Variants in KDM6B observed in about 807,000 individuals in gnomAD.
KDM6B encodes the protein lysine demethylase 6B.
A neutral mutation model predicts 150.4 loss-of-function variants in KDM6B; 22 were observed. The ratio of observed to expected loss-of-function variants is 0.15; its 90% CI spans 0.10 to 0.21. The LOEUF is 0.21. KDM6B is among the 10% of genes least tolerant of loss of function. The pLI is 1.00. For missense variants in KDM6B, 1,984 were observed against 2,234.3 expected, an observed-to-expected ratio of 0.89 and a Z score of 2.26; for synonymous variants, 1,148 against 921.1, an observed-to-expected ratio of 1.25 and a Z score of -4.46.
rs1370112999 is a variant in KDM6B, at chr17:7,847,100, T to C, written c.910-5T>C. 4 of 1,612,480 alleles carry C rather than the reference T, an allele frequency of 2.5e-6. No homozygotes were observed. In the East Asian group the frequency reaches 8.9e-5, roughly 36 times the overall value. On this transcript the variant is annotated splice_polypyrimidine_tract_variant and splice_region_variant and intron_variant, in intron 10 of 23. Transcript: ENST00000448097. ...TCATCCTGCATCCCTGTTTATCTCC[T>C]ATAGGAGCAGCGGCACTCGCTGCCT...
In KDM6B at chr17:7,845,565, C is replaced by T; in HGVS notation, c.11C>T (p.Ala4Val). Reference sequence around the variant, plus strand: ...CCCAACTCAGGCTGGATGCATCGGGCAGTGGACCCTCCAGGGGCCCGCGCT... The same window carrying T: ...CCCAACTCAGGCTGGATGCATCGGGTAGTGGACCCTCCAGGGGCCCGCGCT... MHR[A>V]VDPPGARAAR... The change falls in exon 5 of 24, where the codon GCA (alanine) becomes GTA (valine). Residue 4 changes from alanine to valine, a missense_variant. Around this residue, in one of 13 missense-constraint regions of KDM6B, gnomAD observed 337 missense variants for 323.9 expected, o/e 1.04. Coordinates refer to ENST00000448097, the MANE Select transcript of KDM6B (RefSeq NM_001348716.2). 6.2e-7 allele frequency: 1 copy of T among 1,614,162 alleles called. No homozygotes were observed. The highest frequency in any genetic ancestry group is 8.5e-7 in the Non-Finnish European group (1 of 1,180,024).
Position 7,849,927 on chromosome 17 carries a change from C to T in KDM6B, c.3547C>T (p.Pro1183Ser). The part of the protein sequence containing the change: ...EEKLPREKLN[P>S]PTPSIYLESK... Reference sequence around the variant, plus strand: ...GAAGCTGCCCCGGGAAAAACTCAACCCCCCTACACCCAGCATCTATGTATG... The same window carrying T: ...GAAGCTGCCCCGGGAAAAACTCAACTCCCCTACACCCAGCATCTATGTATG... The change falls in exon 13 of 24, where the codon CCC (proline) becomes TCC (serine). Residue 1183 changes from proline (P) to serine (S), a missense_variant. By Grantham distance (74) the Pro-to-Ser change is moderately conservative. Around this residue, in one of 13 missense-constraint regions of KDM6B, gnomAD observed 1,379 missense variants for 1,275.6 expected, o/e 1.08. Coordinates refer to ENST00000448097, the MANE Select transcript of KDM6B (RefSeq NM_001348716.2). 6.2e-7 allele frequency: 1 copy of T among 1,613,566 alleles called. No individual in the cohort carries two copies. Among genetic ancestry groups the T allele is most frequent in the Non-Finnish European group, 8.5e-7 (1 of 1,180,022 alleles).
intron 2 of KDM6B, chr17:7,840,446 G>GA (rs1289777458): frequency 1.3e-5 from 2 of 152,192 alleles, no homozygotes; most frequent in Non-Finnish European, 2.9e-5. Flanking sequence ...TTTATTTGGG[G>GA]AGATAGTGGA....
At chr17:7,835,310 A>T (rs2078311893) in intron 1 of KDM6B, among the ~76,000 whole-genome samples, 1 of 151,844 alleles carries the variant, frequency 6.6e-6, no homozygotes, top group Non-Finnish European at 1.5e-5. Flanking sequence ...ATGTTGTGAC[A>T]CTGGTGGGGG....
chr17:7,841,418 G>A (rs1006235446), intron 2 of KDM6B, among the ~76,000 whole-genome samples: 1 of 152,158 alleles, frequency 6.6e-6, no homozygotes, highest in Non-Finnish European at 1.5e-5. Context: ...CGCCAGTGTC[G>A]CCCCGACTCT....
chr17:7,851,315 C>T lies in KDM6B; in HGVS notation c.3880-15C>T, dbSNP rs780372879. On this transcript the variant is annotated splice_polypyrimidine_tract_variant and intron_variant, in intron 15 of 23. Transcript: ENST00000448097. ...AGGTCTCTGACCCAGGCCTGCCTACCCTCTGGCTGAACAGGAGGAGAAGGA... is the reference window on the plus strand; with the variant it reads ...AGGTCTCTGACCCAGGCCTGCCTACTCTCTGGCTGAACAGGAGGAGAAGGA... 1.5e-5 allele frequency: 25 copies of T among 1,613,898 alleles called. No individual in the cohort carries two copies. Among genetic ancestry groups the T allele is most frequent in the African/African-American group, 2.7e-5 (2 of 74,906 alleles).
chr17:7,835,178 G>C (rs1015049330), intron 1 of KDM6B, among the ~76,000 whole-genome samples: 7 of 152,156 alleles, frequency 4.6e-5, no homozygotes, highest in Non-Finnish European at 1.0e-4. Flanking sequence ...TCGCAGCGCA[G>C]AAGACGGGGA....
chr17:7,844,972 A>C lies in KDM6B; in HGVS notation c.-197A>C, dbSNP rs2078501259. On this transcript the variant is annotated 5_prime_UTR_variant, in exon 3 of 24. Transcript: ENST00000448097. This position sits in a 1 kb window ranked among gnomAD's most constrained non-coding sequence, Gnocchi z 5.9. ...GAGAGGAAGTCCTGTGATTGGCCAG[A>C]TCTCTGGAGCTTGCCGACGCGGTGT... The C allele has an allele frequency of 5.6e-6, 1 of 179,044 alleles. No homozygotes were observed. Among genetic ancestry groups the C allele is most frequent in the Non-Finnish European group, 1.2e-5 (1 of 81,382 alleles). 11.1% of individuals were successfully genotyped at this position (179,044 alleles called of 1,614,324 possible).
At chr17:7,837,721 T>C (rs968832580) in intron 1 of KDM6B, among the ~76,000 whole-genome samples, 1 of 152,188 alleles carries the variant, frequency 6.6e-6, no homozygotes, top group Non-Finnish European at 1.5e-5. Flanking sequence ...TGAGATAATT[T>C]ATGCAAATCA....
At chr17:7,836,149 G>C (rs1042463091) in intron 1 of KDM6B, among the ~76,000 whole-genome samples, 2 of 152,268 alleles carry the variant, frequency 1.3e-5, no homozygotes, top group Admixed American at 1.3e-4. Flanking sequence ...TGGCGGAGGA[G>C]GGCACTGCGG....
chr17:7,848,875 C>T lies in KDM6B; in HGVS notation c.2587C>T (p.Pro863Ser). Residue 863 changes from proline (P) to serine (S), a missense_variant, in exon 12 of 24, where the codon CCC becomes TCC. This residue lies in a region of KDM6B where 1,379 missense variants were observed against 1,275.6 expected (regional missense o/e 1.08). Coordinates refer to ENST00000448097, the MANE Select transcript of KDM6B (RefSeq NM_001348716.2). ...AAPSAQGSPQ[P>S]SASSSSQFST... is the part of the protein sequence containing the mutation. ...CCCTAGCGCCCAGGGCTCCCCACAG[C>T]CCTCTGCTTCCTCGTCATCTCAGTT... The T allele has an allele frequency of 1.2e-6, 2 of 1,609,156 alleles. No homozygotes were observed. Among genetic ancestry groups the T allele is most frequent in the Non-Finnish European group, 8.5e-7 (1 of 1,177,508 alleles).
rs756245530 is a variant in KDM6B at position 7,846,362 on chromosome 17, C to G, written c.457-38C>G. 3.9e-6 allele frequency: 6 copies of G among 1,556,566 alleles called. No homozygotes were observed. The Admixed American group carries it at 1.1e-4, about 29-fold the overall frequency. On this transcript the variant is annotated intron_variant, in intron 7 of 23. Transcript: ENST00000448097. Reference sequence around the variant, plus strand: ...TGTGCCTTCTGGCTCAGTGCCCCACCTGACATCTGCCCCTGCCCCGTGTCC... The same window carrying G: ...TGTGCCTTCTGGCTCAGTGCCCCACGTGACATCTGCCCCTGCCCCGTGTCC...
At chr17:7,841,981 G>A (rs985973657) in intron 2 of KDM6B, among the ~76,000 whole-genome samples, 13 of 152,304 alleles carry the variant, frequency 8.5e-5, no homozygotes, top group African/African-American at 3.1e-4. Flanking sequence ...GGGTTGCGAC[G>A]AGGGTCCTGG....
Position 7,853,093 on chromosome 17 carries a change from G to A in KDM6B, c.4704G>A (p.Lys1568=), listed in dbSNP as rs2078734864. The part of the protein sequence containing the change: ...GKKIAYQGRV[K]DEPAYYCNEC... The stretch of plus-strand genomic sequence containing the variant: ...AAATCGCTTACCAGGGCCGTGTCAA[G>A]GACGAGCCAGCCTACTACTGCAACG... Residue 1568 remains lysine (K), a synonymous_variant, in exon 22 of 24, where the codon AAG becomes AAA. Coordinates refer to ENST00000448097, the MANE Select transcript of KDM6B (RefSeq NM_001348716.2). 6.2e-7 allele frequency: 1 copy of A among 1,614,164 alleles called. No individual in the cohort carries two copies. The highest frequency in any genetic ancestry group is 8.5e-7 in the Non-Finnish European group (1 of 1,180,026).
intron 13 of KDM6B, 41 bp from the exon 14 acceptor site, chr17:7,850,031 G>A: frequency 6.2e-7 from 1 of 1,613,256 alleles, no homozygotes; most frequent in South Asian, 1.1e-5. Flanking sequence ...CTCTGAGCCT[G>A]GGCCAGGGCT....
Position 7,847,937 on chromosome 17 carries a change from C to T in KDM6B, c.1649C>T (p.Thr550Ile), listed in dbSNP as rs2078597365. The T allele has an allele frequency of 1.2e-6, 2 of 1,610,648 alleles. No individual in the cohort carries two copies. Among genetic ancestry groups the T allele is most frequent in the Admixed American group, 1.7e-5 (1 of 59,748 alleles). The change falls in exon 12 of 24, where the codon ACC becomes ATC. Residue 550 changes from threonine to isoleucine, a missense_variant. Physicochemically the swap from Thr to Ile is moderately conservative, Grantham distance 89 (BLOSUM62 -1). Around this residue, in one of 13 missense-constraint regions of KDM6B, gnomAD observed 1,379 missense variants for 1,275.6 expected, o/e 1.08. Transcript: ENST00000448097. ...SHTPPTPPTP[T>I]TSSSNSNSGS... The stretch of plus-strand genomic sequence containing the variant: ...ACCCCTCCCACTCCCCCAACCCCAA[C>T]CACCAGCAGTAGCAACAGCAACAGT...
At chr17:7,852,797 C>T (rs770508483) in intron 21 of KDM6B, among the ~76,000 whole-genome samples, 161 bp downstream of exon 21, 12 of 152,202 alleles carry the variant, frequency 7.9e-5, no homozygotes, top group Non-Finnish European at 1.2e-4. Context: ...GCTGTCATGA[C>T]CTTTTCTAGT....
chr17:7,845,339 G>A lies in KDM6B; in HGVS notation c.-123G>A. The A allele has an allele frequency of 1.5e-6, 1 of 645,438 alleles. No homozygotes were observed. Among genetic ancestry groups the A allele is most frequent in the Non-Finnish European group, 2.8e-6 (1 of 357,000 alleles). 40.0% of individuals were successfully genotyped at this position (645,438 alleles called of 1,614,324 possible). ...AATTGGCTGTGAAAGGACTGAGGCA[G>A]CCATCTGGGGGTAGCGGGCACTCTT... On this transcript the variant is annotated 5_prime_UTR_variant, in exon 4 of 24. Coordinates refer to ENST00000448097, the MANE Select transcript of KDM6B (RefSeq NM_001348716.2).
At position 7,845,899 on chromosome 17, in the gene KDM6B, G is replaced by T. The variant is rs148819146; in HGVS notation, c.165G>T (p.Pro55=). The change falls in exon 6 of 24, where the codon CCG becomes CCT. Residue 55 remains proline (P), a synonymous_variant. Coordinates refer to ENST00000448097, the MANE Select transcript of KDM6B (RefSeq NM_001348716.2). ...GCTCAGCCAGCATTGGGCAGCCCCC[G>T]CTTCCTGCTCCCCTACCCCCTTCAC... ...GRCSASIGQP[P]LPAPLPPSHG... is the part of the protein sequence containing the mutation. 3.7e-6 allele frequency: 6 copies of T among 1,613,946 alleles called. No individual in the cohort carries two copies. The Admixed American group carries it at 8.3e-5, about 22-fold the overall frequency.
Sources: allele counts gnomAD v4.1 joint callset (sites outside exome capture counted in the v4.1 genomes callset), GRCh38; gene constraint gnomAD v4.1.1; regional missense constraint gnomAD v4.1.1; non-coding constraint Gnocchi (gnomAD v3.1); transcripts MANE v1.5; gene names NCBI Gene and HGNC (gene_info 2026-07-23, HGNC 2026-07-21).